The following TBL1XR1 variants were observed in gnomAD, a reference collection of about 807,000 sequenced individuals.
TBL1XR1 encodes F-box-like/WD repeat-containing protein TBL1XR1.
A neutral mutation model predicts 66.9 loss-of-function variants in TBL1XR1; 5 were observed. The ratio of observed to expected loss-of-function variants is 0.07; its 90% CI spans 0.04 to 0.16. The LOEUF (loss-of-function observed/expected upper bound fraction) is 0.16, where lower values mean the gene tolerates loss of function less well. Ranked by LOEUF, TBL1XR1 falls within the 10% of genes least tolerant of loss-of-function variation. The pLI is 1.00. For missense variants in TBL1XR1, 238 were observed against 623.2 expected (o/e 0.38, Z 6.58); for synonymous variants, 210 against 206.0 (o/e 1.02, Z -0.17).
chr3:177,037,895 T>C (rs984561077), intron 12 of TBL1XR1: 4 of 518,378 alleles, frequency 7.7e-6, no homozygotes, highest in Non-Finnish European at 1.4e-5. Context: ...TTTAATATAA[T>C]TTGCTACATT....
intron 1 of TBL1XR1, among the ~76,000 whole-genome samples, chr3:177,139,316 G>T: frequency 6.6e-6 from 1 of 152,192 alleles, no homozygotes; most frequent in Non-Finnish European, 1.5e-5. Context: ...GAGGTCAGAA[G>T]TTCGAGACCA....
chr3:177,119,038 C>G (rs1726662711), intron 1 of TBL1XR1, among the ~76,000 whole-genome samples: 1 of 152,150 alleles, frequency 6.6e-6, no homozygotes, highest in African/African-American at 2.4e-5. Context: ...GTGGCATGAT[C>G]TCGGTTCACT....
At chr3:177,050,394 C>A in intron 6 of TBL1XR1, 84 bp downstream of exon 6, 3 of 1,501,796 alleles carry the variant, frequency 2.0e-6, no homozygotes, top group South Asian at 1.3e-5. Context: ...TAAGCAACAA[C>A]AGAAAACCTG....
intron 1 of TBL1XR1, among the ~76,000 whole-genome samples, chr3:177,191,686 G>C (rs574951435): frequency 6.6e-6 from 1 of 152,148 alleles, no homozygotes; most frequent in Non-Finnish European, 1.5e-5. Context: ...ATACGGAAAA[G>C]AATACACAGA....
intron 1 of TBL1XR1, among the ~76,000 whole-genome samples, chr3:177,148,856 T>A (rs1178166409): frequency 1.3e-5 from 2 of 151,728 alleles, no homozygotes; most frequent in Non-Finnish European, 2.9e-5. Flanking sequence ...AATGCAAAAT[T>A]AGCTGGTTGT....
intron 2 of TBL1XR1, among the ~76,000 whole-genome samples, chr3:177,067,725 C>G (rs534521888): frequency 1.3e-5 from 2 of 151,956 alleles, no homozygotes; most frequent in East Asian, 3.9e-4. Flanking sequence ...GGAAAAAGAC[C>G]TTGAAAGGCT....
chr3:177,195,286 CT>C (rs1401898333), intron 1 of TBL1XR1, among the ~76,000 whole-genome samples: 1 of 151,970 alleles, frequency 6.6e-6, no homozygotes, highest in Non-Finnish European at 1.5e-5. Context: ...CTCAGGCATA[CT>C]TTCTTCCTGC....
At position 177,032,970 on chromosome 3, in the gene TBL1XR1, C is replaced by T; in HGVS notation, c.1416+1G>A. The T allele has an allele frequency of 6.4e-7, 1 of 1,570,336 alleles. No individual in the cohort carries two copies. Among genetic ancestry groups the T allele is most frequent in the Admixed American group, 1.8e-5 (1 of 54,662 alleles). On this transcript the variant is annotated splice_donor_variant, in intron 14 of 15. Transcript: ENST00000457928. LOFTEE classifies it high-confidence loss of function. ...TGACCATTTAAATAATGAAGACATACCTGCGTGTTCCAGATGTGTACACAT... is the reference window on the plus strand; with the variant it reads ...TGACCATTTAAATAATGAAGACATATCTGCGTGTTCCAGATGTGTACACAT...
chr3:177,055,452 C>A (rs1717673877), intron 3 of TBL1XR1, among the ~76,000 whole-genome samples: 2 of 150,766 alleles, frequency 1.3e-5, no homozygotes, highest in African/African-American at 2.4e-5. Flanking sequence ...TGATTTTAGC[C>A]CCTGATTTTG....
intron 1 of TBL1XR1, among the ~76,000 whole-genome samples, chr3:177,146,150 C>T (rs2108836230): frequency 6.6e-6 from 1 of 152,284 alleles, no homozygotes; most frequent in Middle Eastern, 3.4e-3. Flanking sequence ...ACCTGATATG[C>T]AGCTATCATT....
chr3:177,042,981 T>C (rs968005167), intron 10 of TBL1XR1, among the ~76,000 whole-genome samples: 12 of 152,180 alleles, frequency 7.9e-5, no homozygotes, highest in African/African-American at 2.7e-4. Flanking sequence ...TACAATTCAA[T>C]GGATTTCAGT....
chr3:177,097,376 T>C (rs926335018), intron 2 of TBL1XR1, among the ~76,000 whole-genome samples: 3 of 152,152 alleles, frequency 2.0e-5, no homozygotes, highest in African/African-American at 7.2e-5. Context: ...GGTAAGAAAT[T>C]TTTTTTAAGA....
rs750405967 is a variant in TBL1XR1 at position 177,062,310 on chromosome 3, T to C, written c.58+2610A>G. ...TGTGAATATGCTAAATGCTTGCCAA[T>C]TGTCTTGTCAAGTTCTAATTGTCCT... On this transcript the variant is annotated intron_variant, in intron 3 of 15. Coordinates refer to ENST00000457928, the MANE Select transcript of TBL1XR1 (RefSeq NM_024665.7). Among the ~76,000 whole-genome samples the C allele has an allele frequency of 5.3e-5, 8 of 152,366 alleles. No individual in the cohort carries two copies. The East Asian group carries it at 5.8e-4, about 11-fold the overall frequency.
chr3:177,147,186 A>G (rs1418724810), intron 1 of TBL1XR1, among the ~76,000 whole-genome samples: 1 of 152,018 alleles, frequency 6.6e-6, no homozygotes, highest in Admixed American at 6.6e-5. Context: ...AGCTGGGACT[A>G]CAGGCACGCA....
chr3:177,035,874 T>C lies in TBL1XR1; in HGVS notation c.1123-1549A>G, dbSNP rs201885110. Among the ~76,000 whole-genome samples the C allele has an allele frequency of 5.3e-5, 8 of 152,290 alleles. No individual in the cohort carries two copies. In the East Asian group the frequency reaches 1.5e-3, roughly 29 times the overall value. On this transcript the variant is annotated intron_variant, in intron 12 of 15. Coordinates refer to ENST00000457928, the MANE Select transcript of TBL1XR1 (RefSeq NM_024665.7). ...GTAAACAGTTGCGACCATGGCCCTATCCGCTAGTGAGACTCAAATTTATTC... is the reference window on the plus strand; with the variant it reads ...GTAAACAGTTGCGACCATGGCCCTACCCGCTAGTGAGACTCAAATTTATTC...
At chr3:177,081,808 T>C (rs1560152808) in intron 2 of TBL1XR1, among the ~76,000 whole-genome samples, 1 of 151,802 alleles carries the variant, frequency 6.6e-6, no homozygotes, top group Admixed American at 6.6e-5. Context: ...ATACAATTAA[T>C]AGTATTGTCT....
chr3:177,167,570 G>C (rs1474954375), intron 1 of TBL1XR1, among the ~76,000 whole-genome samples: 2 of 152,200 alleles, frequency 1.3e-5, no homozygotes, highest in Admixed American at 6.5e-5. Context: ...ACACGAGGCA[G>C]AGGGTATGGA....
chr3:177,170,840 A>C lies in TBL1XR1; in HGVS notation c.-122+26281T>G, dbSNP rs569419836. Reference sequence around the variant, plus strand: ...AGCTGGTCTCAAACTCCTGAGCTCAAGCTATCCACCCACCTCAGCCTCCCA... The same window carrying C: ...AGCTGGTCTCAAACTCCTGAGCTCACGCTATCCACCCACCTCAGCCTCCCA... On this transcript the variant is annotated intron_variant, in intron 1 of 15. Transcript: ENST00000457928. Among the ~76,000 whole-genome samples the C allele has an allele frequency of 7.2e-5, 11 of 152,014 alleles. No individual in the cohort carries two copies. The East Asian group carries it at 2.1e-3, about 30-fold the overall frequency.
intron 1 of TBL1XR1, among the ~76,000 whole-genome samples, chr3:177,179,797 T>A (rs1734588316): frequency 6.6e-6 from 1 of 152,114 alleles, no homozygotes; most frequent in Middle Eastern, 3.2e-3. Flanking sequence ...AACCAACCGA[T>A]ATATCTACTA....
Sources: gnomAD v4.1 joint callset for allele counts (sites outside exome capture counted in the v4.1 genomes callset) on GRCh38, gnomAD v4.1.1 for gene constraint, MANE v1.5 for transcripts, NCBI Gene and HGNC (gene_info 2026-07-23, HGNC 2026-07-21) for gene names.